Variants in ANKRD6 observed in about 807,000 individuals in gnomAD.
The protein encoded by ANKRD6 is ankyrin repeat domain 6.
In ANKRD6, 56 loss-of-function variants were observed where a neutral mutation model predicts 82.3. That is an observed-to-expected ratio of 0.68 (90% CI 0.55 to 0.85). The LOEUF (loss-of-function observed/expected upper bound fraction) is 0.85. ANKRD6 is among the 40% of genes least tolerant of loss of function. The pLI, the probability that ANKRD6 is intolerant of heterozygous loss-of-function variation, is 0.00. For synonymous variants in ANKRD6, 347 were observed against 352.1 expected, an observed-to-expected ratio of 0.99 and a Z score of 0.16; for missense variants, 852 against 907.6, an observed-to-expected ratio of 0.94 and a Z score of 0.79.
intron 2 of ANKRD6, among the ~76,000 whole-genome samples, chr6:89,588,652 T>G (rs9344946): frequency 0.8 from 121,444 of 151,968 alleles, 48,944 homozygotes; most frequent in East Asian, 0.88. Flanking sequence ...TTCCTTCAGA[T>G]TTTCTGCCCT....
intron 1 of ANKRD6, among the ~76,000 whole-genome samples, chr6:89,451,760 G>A (rs1772852699): frequency 6.6e-6 from 1 of 152,134 alleles, no homozygotes. Context: ...CCATGTTTTT[G>A]TGCATCTAAA....
At position 89,470,615 on chromosome 6, in the gene ANKRD6, CAAT is replaced by C. The variant is rs10646494; in HGVS notation, c.-144+37256_-144+37258del. On this transcript the variant is annotated intron_variant, in intron 1 of 15. Transcript: ENST00000339746. Reference sequence around the variant, plus strand: ...TAGGTGACAAAGTGAGACCCTGCCTCAATAATAATAATAATAATGATGATGATG... The same window carrying C: ...TAGGTGACAAAGTGAGACCCTGCCTCAATAATAATAATAATGATGATGATG... 4.0e-3 allele frequency among the ~76,000 whole-genome samples: 612 copies of C among 151,376 alleles called. 3 individuals are homozygous for C. The highest frequency in any genetic ancestry group is 0.014 in the African/African-American group (572 of 41,196).
chr6:89,464,765 G>A (rs1053651247), intron 1 of ANKRD6, among the ~76,000 whole-genome samples: 6 of 152,222 alleles, frequency 3.9e-5, no homozygotes, highest in Non-Finnish European at 7.3e-5. Flanking sequence ...ATTCTGAGGG[G>A]TTATTGATGG....
chr6:89,616,124 T>A (rs1801509968), intron 7 of ANKRD6, among the ~76,000 whole-genome samples: 1 of 152,198 alleles, frequency 6.6e-6, no homozygotes, highest in South Asian at 2.1e-4. Flanking sequence ...TCTTCACGGC[T>A]TCTCCTGCTC....
At chr6:89,573,987 C>A (rs1370444024) in intron 2 of ANKRD6, among the ~76,000 whole-genome samples, 1 of 152,196 alleles carries the variant, frequency 6.6e-6, no homozygotes, top group African/African-American at 2.4e-5. Context: ...CTGTGTCCTT[C>A]ATACTGCTCT....
intron 2 of ANKRD6, among the ~76,000 whole-genome samples, chr6:89,586,568 T>C (rs1255459796): frequency 6.6e-6 from 1 of 151,984 alleles, no homozygotes; most frequent in Non-Finnish European, 1.5e-5. Flanking sequence ...ATGCCTGTAA[T>C]CCCAGCTACT....
rs1434728874 is a variant in ANKRD6 at position 89,632,127 on chromosome 6, C to A, written c.*1123C>A. The stretch of plus-strand genomic sequence containing the variant: ...TGGAATATGGGATTTATATTCATCT[C>A]CTCAATATCCCATGTATGCACAGAA... On this transcript the variant is annotated 3_prime_UTR_variant, in exon 16 of 16. Coordinates refer to ENST00000339746, the MANE Select transcript of ANKRD6 (RefSeq NM_001242809.2). The A allele has an allele frequency of 2.6e-5, 4 of 152,108 alleles. No homozygotes were observed. The highest frequency in any genetic ancestry group is 4.8e-5 in the African/African-American group (2 of 41,434). 9.4% of individuals were successfully genotyped at this position (152,108 alleles called of 1,614,324 possible). A position where few individuals can be genotyped will look rare whatever the true frequency, so the allele number is the denominator to read the frequency against.
chr6:89,591,388 C>G (rs1187704881), intron 2 of ANKRD6, among the ~76,000 whole-genome samples: 1 of 152,216 alleles, frequency 6.6e-6, no homozygotes, highest in Non-Finnish European at 1.5e-5. Flanking sequence ...AGGCGTGAAC[C>G]ACCTTGCCTG....
chr6:89,618,338 A>C, intron 9 of ANKRD6: 1 of 616,640 alleles, frequency 1.6e-6, no homozygotes, highest in Non-Finnish European at 2.9e-6. Flanking sequence ...AAGACATCGC[A>C]GGACAGGGCC....
chr6:89,488,474 A>G (rs573664948), intron 1 of ANKRD6, among the ~76,000 whole-genome samples: 1 of 152,242 alleles, frequency 6.6e-6, no homozygotes, highest in African/African-American at 2.4e-5. Context: ...AAACCACATG[A>G]CAGTGCAATT....
intron 1 of ANKRD6, among the ~76,000 whole-genome samples, chr6:89,434,229 A>C (rs1233063825): frequency 6.6e-6 from 1 of 152,210 alleles, no homozygotes; most frequent in East Asian, 1.9e-4. Flanking sequence ...CAGGTATTGT[A>C]CATAACCTCG....
chr6:89,541,288 C>T (rs1436354876), intron 1 of ANKRD6, among the ~76,000 whole-genome samples: 3 of 151,168 alleles, frequency 2.0e-5, no homozygotes, highest in African/African-American at 7.3e-5. Context: ...TTTTTGGTGT[C>T]CTCTTCAATT....
chr6:89,574,499 TATTG>T (rs1790672731), intron 2 of ANKRD6, among the ~76,000 whole-genome samples: 1 of 152,160 alleles, frequency 6.6e-6, no homozygotes, highest in Non-Finnish European at 1.5e-5. Context: ...GGACATAAAA[TATTG>T]ATTATTTTTT....
chr6:89,566,969 C>T lies in ANKRD6; in HGVS notation c.-8C>T. 1 of 1,577,314 alleles carries T rather than the reference C, an allele frequency of 6.3e-7. No individual in the cohort carries two copies. The highest frequency in any genetic ancestry group is 1.3e-5 in the African/African-American group (1 of 74,368). On this transcript the variant is annotated 5_prime_UTR_variant, in exon 2 of 16. Transcript: ENST00000339746. The stretch of plus-strand genomic sequence containing the variant: ...ACCGCTTCCCTGAAAACCTTTCTTT[C>T]CTAATTCATGAGCCAGCAAGATGCG...
intron 1 of ANKRD6, among the ~76,000 whole-genome samples, chr6:89,492,531 G>T (rs1029084351): frequency 6.6e-6 from 1 of 152,126 alleles, no homozygotes; most frequent in African/African-American, 2.4e-5. Context: ...AGACAACCAC[G>T]CACACCCCAC....
chr6:89,580,687 C>T (rs1219389511), intron 2 of ANKRD6, among the ~76,000 whole-genome samples: 1 of 151,982 alleles, frequency 6.6e-6, no homozygotes, highest in Admixed American at 6.6e-5. Flanking sequence ...TGTTCTAAGG[C>T]AGGGGAGCAG....
intron 1 of ANKRD6, among the ~76,000 whole-genome samples, chr6:89,496,816 A>G (rs1295152355): frequency 6.6e-6 from 1 of 152,232 alleles, no homozygotes; most frequent in African/African-American, 2.4e-5. Context: ...AGTGACAACA[A>G]ACTTTTATTA....
chr6:89,438,845 A>T (rs1162574483), intron 1 of ANKRD6, among the ~76,000 whole-genome samples: 4 of 152,054 alleles, frequency 2.6e-5, no homozygotes, highest in Non-Finnish European at 5.9e-5. Context: ...GTTTTGCCAC[A>T]TTGGCCAGTC....
intron 1 of ANKRD6, among the ~76,000 whole-genome samples, chr6:89,446,703 A>G (rs1428724310): frequency 6.6e-6 from 1 of 152,166 alleles, no homozygotes; most frequent in African/African-American, 2.4e-5. Context: ...ACCAACTGAT[A>G]TAGTTTGGCC....
Sources: allele counts gnomAD v4.1 joint callset (sites outside exome capture counted in the v4.1 genomes callset), GRCh38; gene constraint gnomAD v4.1.1; transcripts MANE v1.5; gene names NCBI Gene and HGNC (gene_info 2026-07-23, HGNC 2026-07-21).